The following PSAP variants were observed in gnomAD, a reference collection of about 807,000 sequenced individuals.
PSAP encodes precursor of saposins.
In PSAP, 25 loss-of-function variants were observed where a neutral mutation model predicts 66.0. The observed-to-expected ratio is 0.38, with a 90% CI of 0.28 to 0.53. The LOEUF (loss-of-function observed/expected upper bound fraction) is 0.53, where lower values mean the gene tolerates loss of function less well. PSAP is among the 20% of genes least tolerant of loss of function. PSAP has a pLI of 0.83. For synonymous variants in PSAP, 273 were observed against 258.9 expected (o/e 1.05, Z -0.52); for missense variants, 649 against 668.8 (o/e 0.97, Z 0.33).
Position 71,829,184 on chromosome 10 carries a change from A to T in PSAP, c.376-107T>A, listed in dbSNP as rs533172351. On this transcript the variant is annotated intron_variant, in intron 4 of 13. Transcript: ENST00000394936. ...TCCCTCTCTTTAAATCCCTTAAAAG[A>T]AACACAAACCTGTTGTCTAAATTCA... 9 of 1,083,820 alleles carry T rather than the reference A, an allele frequency of 8.3e-6. No individual in the cohort carries two copies. The African/African-American group carries it at 1.4e-4, about 17-fold the overall frequency. 67.1% of individuals were successfully genotyped at this position (1,083,820 alleles called of 1,614,324 possible). A position where few individuals can be genotyped will look rare whatever the true frequency, so the allele number is the denominator to read the frequency against.
intron 1 of PSAP, among the ~76,000 whole-genome samples, chr10:71,847,619 T>A (rs536960482): frequency 6.6e-6 from 1 of 151,606 alleles, no homozygotes; most frequent in Non-Finnish European, 1.5e-5. Context: ...TCCTTTCTCC[T>A]TTCTTCTGCC....
At chr10:71,824,768 C>G (rs1258865210) in intron 7 of PSAP, among the ~76,000 whole-genome samples, 1 of 152,144 alleles carries the variant, frequency 6.6e-6, no homozygotes, top group Non-Finnish European at 1.5e-5. Flanking sequence ...GAAGTATTGT[C>G]CATATTTTCA....
chr10:71,848,858 T>A (rs188291573), intron 1 of PSAP, among the ~76,000 whole-genome samples: 1 of 152,160 alleles, frequency 6.6e-6, no homozygotes, highest in Non-Finnish European at 1.5e-5. Context: ...TTTGGCCTAA[T>A]CCTAAAGGTA....
chr10:71,844,566 T>G (rs1564826822), intron 1 of PSAP, among the ~76,000 whole-genome samples: 1 of 152,132 alleles, frequency 6.6e-6, no homozygotes, highest in Non-Finnish European at 1.5e-5. Context: ...CTCGGGAGGC[T>G]GAGACAGGAG....
At chr10:71,834,647 CCA>C in intron 1 of PSAP, 142 bp from the exon 2 acceptor site, 1 of 1,069,196 alleles carries the variant, frequency 9.4e-7, no homozygotes, top group Non-Finnish European at 1.4e-6. Flanking sequence ...GGGACACCAG[CCA>C]CACAGATACA....
chr10:71,851,072 T>C (rs1262966170), intron 1 of PSAP, 110 bp downstream of exon 1: 3 of 1,320,194 alleles, frequency 2.3e-6, no homozygotes, highest in Non-Finnish European at 3.2e-6. Context: ...GCGCGCCCCC[T>C]TGCCAACTAG....
chr10:71,834,529 AG>A (rs2133053164), intron 1 of PSAP, 24 bp from the exon 2 acceptor site: 2 of 1,612,544 alleles, frequency 1.2e-6, no homozygotes, highest in East Asian at 4.5e-5. Flanking sequence ...CAACGTGAGG[AG>A]GTGGCCCATT....
rs192400188 is a variant in PSAP, at chr10:71,836,636, G to A, written c.41-2131C>T. On this transcript the variant is annotated intron_variant, in intron 1 of 13. Coordinates refer to ENST00000394936, the MANE Select transcript of PSAP (RefSeq NM_002778.4). ...AGAAGAGGATGGGCTCAGACCTCAG[G>A]AGACCAGAGCCAAGACAGAGGAGTC... Among the ~76,000 whole-genome samples the A allele has an allele frequency of 6.6e-4, 100 of 152,254 alleles. 1 individual carries two copies. The highest frequency in any genetic ancestry group is 2.3e-3 in the African/African-American group (97 of 41,540).
rs1197082583 is a variant in PSAP, at chr10:71,829,087, T to TGGAAA, written c.376-15_376-11dup. On this transcript the variant is annotated splice_polypyrimidine_tract_variant and intron_variant, in intron 4 of 13. Transcript: ENST00000394936. ...CCTCCCCAGGACGGCTCTGGTGGGATGGAAAGAAGTCCTGCTGAAAATCCT... is the reference window on the plus strand; with the variant it reads ...CCTCCCCAGGACGGCTCTGGTGGGATGGAAAGGAAAGAAGTCCTGCTGAAAATCCT... 8.1e-6 allele frequency: 13 copies of TGGAAA among 1,612,048 alleles called. No individual in the cohort carries two copies. Among genetic ancestry groups the TGGAAA allele is most frequent in the Non-Finnish European group, 1.0e-5 (12 of 1,178,548 alleles).
At position 71,851,245 on chromosome 10, in the gene PSAP, G is replaced by T; in HGVS notation, c.-24C>A. 6.5e-7 allele frequency: 1 copy of T among 1,549,468 alleles called. No homozygotes were observed. The highest frequency in any genetic ancestry group is 8.7e-7 in the Non-Finnish European group (1 of 1,145,528). On this transcript the variant is annotated 5_prime_UTR_variant, in exon 1 of 14. Coordinates refer to ENST00000394936, the MANE Select transcript of PSAP (RefSeq NM_002778.4). ...ATAGCGCCGTCTGACTCCGCAGTCT[G>T]CAATGCGGAGCGTCAGCTGATCCCC... is the stretch of plus-strand genomic sequence containing the variant.
At chr10:71,819,288 C>T (rs1442317269) in intron 11 of PSAP, 177 bp from the exon 12 acceptor site, 1 of 1,075,200 alleles carries the variant, frequency 9.3e-7, no homozygotes, top group Admixed American at 2.0e-5. Flanking sequence ...CTCTCTACTT[C>T]AGGTTGCTTC....
At chr10:71,846,550 C>A (rs1160621431) in intron 1 of PSAP, among the ~76,000 whole-genome samples, 1 of 151,346 alleles carries the variant, frequency 6.6e-6, no homozygotes, top group Non-Finnish European at 1.5e-5. Context: ...CATGGCAAAA[C>A]CCTTTCTCTA....
At chr10:71,846,084 T>C (rs1440942923) in intron 1 of PSAP, among the ~76,000 whole-genome samples, 1 of 152,172 alleles carries the variant, frequency 6.6e-6, no homozygotes, top group East Asian at 1.9e-4. Flanking sequence ...TTATTAGTGG[T>C]ACAGCAACAA....
chr10:71,822,577 T>C, intron 7 of PSAP: 2 of 472,168 alleles, frequency 4.2e-6, no homozygotes, highest in Non-Finnish European at 8.8e-6. Flanking sequence ...GGATGAATCA[T>C]TTTAAGCCAC....
In PSAP at chr10:71,817,393, G is replaced by C; in HGVS notation, c.*48C>G. 1 of 1,602,010 alleles carries C rather than the reference G, an allele frequency of 6.2e-7. No individual in the cohort carries two copies. Among genetic ancestry groups the C allele is most frequent in the Non-Finnish European group, 8.6e-7 (1 of 1,168,952 alleles). On this transcript the variant is annotated 3_prime_UTR_variant, in exon 14 of 14. Transcript: ENST00000394936. ...GTTCATTCCCCCAGACACACAAGTA[G>C]AAAAAAACCAATGCTGTGGTTTCTG...
At chr10:71,821,163 C>T (rs1444638348) in intron 8 of PSAP, among the ~76,000 whole-genome samples, 2 of 152,230 alleles carry the variant, frequency 1.3e-5, no homozygotes, top group African/African-American at 4.8e-5. Context: ...ACACACTCTG[C>T]ACATGCAGAG....
chr10:71,823,735 C>G (rs906720747), intron 7 of PSAP, among the ~76,000 whole-genome samples: 2 of 152,030 alleles, frequency 1.3e-5, no homozygotes, highest in African/African-American at 4.8e-5. Context: ...GATGCAGAAG[C>G]CCTCCCCAGC....
intron 13 of PSAP, 82 bp from the exon 14 acceptor site, chr10:71,817,558 A>C: frequency 7.4e-7 from 1 of 1,348,014 alleles, no homozygotes; most frequent in African/African-American, 1.4e-5. Context: ...ATATCACCCC[A>C]AAACAGGACC....
At chr10:71,819,984 G>T in intron 9 of PSAP, 84 bp from the exon 10 acceptor site, 1 of 1,248,756 alleles carries the variant, frequency 8.0e-7, no homozygotes, top group Non-Finnish European at 1.2e-6. Flanking sequence ...ACATGGCCAG[G>T]AAATGAGTCA....
Sources: allele counts gnomAD v4.1 joint callset (sites outside exome capture counted in the v4.1 genomes callset), GRCh38; gene constraint gnomAD v4.1.1; transcripts MANE v1.5; gene names NCBI Gene and HGNC (gene_info 2026-07-23, HGNC 2026-07-21).